B9D1: variants seen among roughly 807,000 people sequenced by gnomAD.
The protein encoded by B9D1 is B9 domain-containing protein 1.
Under a neutral mutation model 26.1 loss-of-function variants are expected in B9D1, and 20 were observed. That is an observed-to-expected ratio of 0.77 (90% CI 0.54 to 1.12). The LOEUF (loss-of-function observed/expected upper bound fraction) is 1.12, where lower values mean the gene tolerates loss of function less well. B9D1 is among the 50% of genes most tolerant of loss of function. The pLI is 0.00. For missense variants in B9D1, 260 were observed against 273.7 expected (o/e 0.95, Z 0.35); for synonymous variants, 105 against 103.1 (o/e 1.02, Z -0.11).
Position 19,372,712 on chromosome 17 carries a change from C to T in B9D1, c.-298+5147G>A, listed in dbSNP as rs1013218185. ...ACAGCACAGACAAGAAAGGATGCCC[C>T]GGCCTCCATGTGACGGAGCTGGATT... On this transcript the variant is annotated intron_variant, in intron 1 of 5. Transcript: ENST00000477478. This position sits in a 1 kb window ranked among gnomAD's most constrained non-coding sequence, Gnocchi z 4.4. Among the ~76,000 whole-genome samples, 5 of 152,176 alleles carry T rather than the reference C, an allele frequency of 3.3e-5. No individual in the cohort carries two copies. Among genetic ancestry groups the T allele is most frequent in the African/African-American group, 7.2e-5 (3 of 41,448 alleles).
At chr17:19,341,317 G>T, downstream of B9D1, 1 of 1,231,960 alleles carries the variant, frequency 8.1e-7, no homozygotes, top group Non-Finnish European at 1.0e-6. Flanking sequence ...TTTCCGGGGA[G>T]CTGTGATAGC....
chr17:19,341,315 GAGCTGTGAT>G, downstream of B9D1: 4 of 1,232,054 alleles, frequency 3.2e-6, no homozygotes, highest in Non-Finnish European at 4.0e-6. Context: ...GCTTTCCGGG[GAGCTGTGAT>G]AGCTGTGATA....
chr17:19,366,168 C>T (rs1419323916), upstream of B9D1, among the ~76,000 whole-genome samples: 1 of 151,984 alleles, frequency 6.6e-6, no homozygotes, highest in Non-Finnish European at 1.5e-5. Context: ...AGGGAGCTCA[C>T]TCATCTCTAA....
intron 1 of B9D1, chr17:19,371,707 C>T (rs976861511): frequency 1.3e-5 from 2 of 152,264 alleles, no homozygotes; most frequent in African/African-American, 2.4e-5. Flanking sequence ...AGGGACAATC[C>T]ATCCTTCCCA....
rs189109630 is a variant in B9D1 at position 19,350,297 on chromosome 17, G to T, written c.245-2417C>A. ...GCGGTGGCTCACACCTGTAATCCCAGCACTTTGGGAGGCTGAGGCAGGTGG... is the reference window on the plus strand; with the variant it reads ...GCGGTGGCTCACACCTGTAATCCCATCACTTTGGGAGGCTGAGGCAGGTGG... On this transcript the variant is annotated intron_variant, in intron 3 of 6. Transcript: ENST00000261499. 2.3e-4 allele frequency among the ~76,000 whole-genome samples: 35 copies of T among 152,248 alleles called. No homozygotes were observed. The East Asian group carries it at 6.6e-3, about 29-fold the overall frequency.
chr17:19,349,970 A>C lies in B9D1; in HGVS notation c.245-2090T>G, dbSNP rs1465274167. 2.0e-5 allele frequency among the ~76,000 whole-genome samples: 3 copies of C among 152,188 alleles called. No homozygotes were observed. In the East Asian group the frequency reaches 5.8e-4, roughly 29 times the overall value. On this transcript the variant is annotated intron_variant, in intron 3 of 6. Coordinates refer to ENST00000261499, the MANE Select transcript of B9D1 (RefSeq NM_015681.6). ...TGTCCCAGCACCATTTATTAAAAAG[A>C]CCAGGCTGGCGGGCGCCTGTAGTCC... is the stretch of plus-strand genomic sequence containing the variant.
At chr17:19,373,971 C>T (rs1184863731) in intron 1 of B9D1, among the ~76,000 whole-genome samples, 1 of 152,216 alleles carries the variant, frequency 6.6e-6, no homozygotes, top group Non-Finnish European at 1.5e-5. Flanking sequence ...AGTTCAGGGG[C>T]TTTTGGTAAC....
At chr17:19,343,046 T>C (rs1161452459), downstream of B9D1, 1 of 1,353,004 alleles carries the variant, frequency 7.4e-7, no homozygotes, top group Admixed American at 3.1e-5. Context: ...TCTGGTCTCC[T>C]GGCAGCTTCC....
intron 1 of B9D1, among the ~76,000 whole-genome samples, chr17:19,360,974 C>T (rs1411205307): frequency 6.6e-6 from 1 of 152,130 alleles, no homozygotes; most frequent in African/African-American, 2.4e-5. Flanking sequence ...ACAGCTGCTC[C>T]CCATTGCTCG....
intron 1 of B9D1, chr17:19,377,710 G>T: frequency 2.8e-6 from 1 of 351,020 alleles, no homozygotes; most frequent in Non-Finnish European, 4.0e-6. Context: ...CGGATTTTGG[G>T]GTGGGTCGGG....
At position 19,359,445 on chromosome 17, in the gene B9D1, C is replaced by A. The variant is rs1910760016; in HGVS notation, c.132+875G>T. ...CTGCCTGGACAGTTCTCACGGGTTT[C>A]CACATGGCTTGTTCCCTCACTTCCT... On this transcript the variant is annotated intron_variant, in intron 2 of 6. Coordinates refer to ENST00000261499, the MANE Select transcript of B9D1 (RefSeq NM_015681.6). This position sits in a 1 kb window ranked among gnomAD's most constrained non-coding sequence, Gnocchi z 5.0. Among the ~76,000 whole-genome samples the A allele has an allele frequency of 6.6e-6, 1 of 152,172 alleles. No homozygotes were observed. The highest frequency in any genetic ancestry group is 2.4e-5 in the African/African-American group (1 of 41,436).
chr17:19,343,797 G>A lies in B9D1; in HGVS notation c.465C>T (p.Gly155=), dbSNP rs748971385. The change falls in exon 6 of 7, where the codon GGC becomes GGT. Residue 155 remains glycine (G), a synonymous_variant. Coordinates refer to ENST00000261499, the MANE Select transcript of B9D1 (RefSeq NM_015681.6). ...TDPKVVAQGE[G]REVTRVRSQG... is the part of the protein sequence containing the mutation. ...GAGGGGAGGGAGCTTTACCTTCCCG[G>A]CCTTCACCCTGAGCCACCACCTTGG... 5 of 1,613,356 alleles carry A rather than the reference G, an allele frequency of 3.1e-6. No homozygotes were observed. Among genetic ancestry groups the A allele is most frequent in the Non-Finnish European group, 4.2e-6 (5 of 1,179,448 alleles).
chr17:19,350,029 G>A (rs574219077), intron 3 of B9D1, among the ~76,000 whole-genome samples: 2 of 151,776 alleles, frequency 1.3e-5, no homozygotes, highest in South Asian at 2.1e-4. Context: ...GGAGAATGGC[G>A]TGAACCCGGG....
Position 19,358,013 on chromosome 17 carries a change from C to G in B9D1, c.133-62G>C, listed in dbSNP as rs989750558. 1.7e-5 allele frequency: 22 copies of G among 1,292,874 alleles called. No individual in the cohort carries two copies. In the South Asian group the frequency reaches 2.6e-4, roughly 15 times the overall value. The allele number at this position is 1,292,874 out of a possible 1,614,324, so 80.1% of individuals were successfully genotyped here. A position where few individuals can be genotyped will look rare whatever the true frequency, so the allele number is the denominator to read the frequency against. ...CAGAGCCAAGCTGCTGCGGCTCCTC[C>G]CCTTACCTTCAGCAGGCAGTTGGGA... On this transcript the variant is annotated intron_variant, in intron 2 of 6. Coordinates refer to ENST00000261499, the MANE Select transcript of B9D1 (RefSeq NM_015681.6).
chr17:19,374,971 A>G (rs1912041116), intron 1 of B9D1, among the ~76,000 whole-genome samples: 1 of 152,192 alleles, frequency 6.6e-6, no homozygotes, highest in South Asian at 2.1e-4. Context: ...ACAGCTCAAC[A>G]ATAAAAAGGC....
chr17:19,348,991 C>T (rs1239059941), intron 3 of B9D1, among the ~76,000 whole-genome samples: 1 of 152,132 alleles, frequency 6.6e-6, no homozygotes, highest in African/African-American at 2.4e-5. Context: ...CGCAGGCTCT[C>T]GGTACTCGCG....
At chr17:19,338,350 C>T (rs985262740), downstream of B9D1, among the ~76,000 whole-genome samples, 1 of 152,238 alleles carries the variant, frequency 6.6e-6, no homozygotes, top group Admixed American at 6.5e-5. Context: ...TCAGCTTTCT[C>T]ACCTGCTGCC....
chr17:19,360,192 T>G, intron 2 of B9D1, 128 bp downstream of exon 2: 1 of 862,374 alleles, frequency 1.2e-6, no homozygotes, highest in Non-Finnish European at 1.9e-6. Flanking sequence ...GGAACACTCA[T>G]GTTTGGGTTC....
chr17:19,347,706 G>A lies in B9D1; in HGVS notation c.341+78C>T. 1.4e-6 allele frequency: 2 copies of A among 1,427,070 alleles called. No homozygotes were observed. The highest frequency in any genetic ancestry group is 1.9e-6 in the Non-Finnish European group (2 of 1,025,912). The allele number at this position is 1,427,070 out of a possible 1,614,324, so 88.4% of individuals were successfully genotyped here. A position where few individuals can be genotyped will look rare whatever the true frequency, so the allele number is the denominator to read the frequency against. ...GGAGACCCCAGAGCATTCCCAGCCT[G>A]AACCTAAGACAGAAAACGAGGTGAA... On this transcript the variant is annotated intron_variant, in intron 4 of 6. Coordinates refer to ENST00000261499, the MANE Select transcript of B9D1 (RefSeq NM_015681.6). This position sits in a 1 kb window ranked among gnomAD's most constrained non-coding sequence, Gnocchi z 4.3.
Sources: gnomAD v4.1 joint callset for allele counts (sites outside exome capture counted in the v4.1 genomes callset) on GRCh38, gnomAD v4.1.1 for gene constraint, Gnocchi (gnomAD v3.1) non-coding constraint, MANE v1.5 for transcripts, NCBI Gene and HGNC (gene_info 2026-07-23, HGNC 2026-07-21) for gene names.